The following INPP4B variants were observed in gnomAD, a reference collection of about 807,000 sequenced individuals.
INPP4B encodes the protein inositol polyphosphate-4-phosphatase type II B, also known as inositol polyphosphate 4-phosphatase type II.
INPP4B carries 55 observed loss-of-function variants against 122.5 expected under a neutral mutation model. That is an observed-to-expected ratio of 0.45 (90% confidence interval 0.36 to 0.56). INPP4B has a LOEUF of 0.56. Ranked by LOEUF, INPP4B falls within the 20% of genes least tolerant of loss-of-function variation. INPP4B has a pLI of 0.00. For missense variants in INPP4B, 1,000 were observed against 1,097.7 expected, an observed-to-expected ratio of 0.91 and a Z score of 1.26; for synonymous variants, 403 against 388.7, an observed-to-expected ratio of 1.04 and a Z score of -0.43.
chr4:142,775,250 A>G (rs1042100765), intron 1 of INPP4B, among the ~76,000 whole-genome samples: 3 of 151,118 alleles, frequency 2.0e-5, no homozygotes, highest in African/African-American at 7.4e-5. Flanking sequence ...ACTCTCCTCC[A>G]TGCATTCTTC....
chr4:142,405,076 C>T, intron 6 of INPP4B, 130 bp downstream of exon 6: 3 of 592,178 alleles, frequency 5.1e-6, no homozygotes, highest in Non-Finnish European at 8.9e-6. Flanking sequence ...TATGAACTAA[C>T]TTATTTCAGC....
At chr4:142,559,295 C>T (rs542780001) in intron 2 of INPP4B, among the ~76,000 whole-genome samples, 1 of 152,186 alleles carries the variant, frequency 6.6e-6, no homozygotes, top group South Asian at 2.1e-4. Context: ...AGTGGTGGTG[C>T]TGTTGCAAGT....
At chr4:142,415,149 T>C (rs1805415769) in intron 5 of INPP4B, among the ~76,000 whole-genome samples, 1 of 152,188 alleles carries the variant, frequency 6.6e-6, no homozygotes, top group South Asian at 2.1e-4. Context: ...ATAGGATTTC[T>C]GTCCAGTACA....
chr4:142,465,306 G>C (rs1817566077), intron 2 of INPP4B, among the ~76,000 whole-genome samples: 1 of 152,058 alleles, frequency 6.6e-6, no homozygotes, highest in Non-Finnish European at 1.5e-5. Context: ...GCAAGAACCA[G>C]TATTTACTAA....
At chr4:142,216,714 A>G (rs530326847) in intron 12 of INPP4B, among the ~76,000 whole-genome samples, 1 of 152,198 alleles carries the variant, frequency 6.6e-6, no homozygotes, top group African/African-American at 2.4e-5. Flanking sequence ...ACCTTCCACA[A>G]TGTAGAACAC....
intron 2 of INPP4B, among the ~76,000 whole-genome samples, chr4:142,656,091 T>A (rs560746770): frequency 1.3e-5 from 2 of 152,270 alleles, no homozygotes; most frequent in South Asian, 4.1e-4. Flanking sequence ...GAGTAGAGCC[T>A]CAAGAACTTC....
chr4:142,669,998 C>G (rs1278238775), intron 2 of INPP4B, among the ~76,000 whole-genome samples: 1 of 152,132 alleles, frequency 6.6e-6, no homozygotes, highest in African/African-American at 2.4e-5. Flanking sequence ...GTTTCAGTAG[C>G]TGGTGGTCAA....
intron 18 of INPP4B, among the ~76,000 whole-genome samples, chr4:142,137,689 G>GA (rs1805322644): frequency 7.1e-6 from 1 of 139,930 alleles, no homozygotes; most frequent in African/African-American, 2.6e-5. Context: ...AAATTTACAA[G>GA]AAAAAAACAA....
At chr4:142,321,141 A>AT (rs745586255) in intron 7 of INPP4B, among the ~76,000 whole-genome samples, 49 of 152,030 alleles carry the variant, frequency 3.2e-4, no homozygotes, top group African/African-American at 1.2e-3. Context: ...TATTTTTTTG[A>AT]TTTTTTAATT....
At chr4:142,681,891 A>C (rs2150685487) in intron 2 of INPP4B, among the ~76,000 whole-genome samples, 1 of 151,950 alleles carries the variant, frequency 6.6e-6, no homozygotes, top group East Asian at 1.9e-4. Context: ...ATTGCTGTCT[A>C]TGCTTTACCA....
intron 2 of INPP4B, among the ~76,000 whole-genome samples, chr4:142,640,313 C>T (rs1405242482): frequency 6.6e-6 from 1 of 151,512 alleles, no homozygotes; most frequent in Non-Finnish European, 1.5e-5. Context: ...TAAAAACCTA[C>T]AGTAATTAAA....
intron 23 of INPP4B, among the ~76,000 whole-genome samples, chr4:142,099,096 T>C (rs760085875): frequency 6.6e-6 from 1 of 152,152 alleles, no homozygotes; most frequent in Admixed American, 6.6e-5. Context: ...TGACTCAGCA[T>C]TGGGTTTAAC....
chr4:142,524,387 T>A (rs1342665386), intron 2 of INPP4B, among the ~76,000 whole-genome samples: 1 of 152,044 alleles, frequency 6.6e-6, no homozygotes, highest in Non-Finnish European at 1.5e-5. Context: ...TGGTTTTGAT[T>A]TGCATTTCTC....
At chr4:142,182,978 C>T (rs1831554539) in intron 15 of INPP4B, among the ~76,000 whole-genome samples, 2 of 152,194 alleles carry the variant, frequency 1.3e-5, no homozygotes, top group Non-Finnish European at 2.9e-5. Context: ...ATTGCAGTAT[C>T]CATAGCCTAT....
chr4:142,663,232 T>C (rs376279147), intron 2 of INPP4B, among the ~76,000 whole-genome samples: 12 of 152,342 alleles, frequency 7.9e-5, no homozygotes, highest in African/African-American at 2.6e-4. Flanking sequence ...ATCTATTTTG[T>C]TTATCTGTTA....
intron 2 of INPP4B, among the ~76,000 whole-genome samples, chr4:142,624,213 A>C (rs1334272584): frequency 6.6e-6 from 1 of 151,940 alleles, no homozygotes; most frequent in East Asian, 1.9e-4. Flanking sequence ...ATTTCTCCAC[A>C]TCCTCTCCCG....
At chr4:142,045,967 G>A (rs1751144535) in intron 25 of INPP4B, among the ~76,000 whole-genome samples, 1 of 151,982 alleles carries the variant, frequency 6.6e-6, no homozygotes, top group African/African-American at 2.4e-5. Context: ...CGAGCGGTGA[G>A]GACTTTTTTT....
chr4:142,794,401 G>T (rs1369658407), intron 1 of INPP4B, among the ~76,000 whole-genome samples: 1 of 151,830 alleles, frequency 6.6e-6, no homozygotes, highest in Non-Finnish European at 1.5e-5. Context: ...AAAAAGGATG[G>T]ACTTTTCAGT....
chr4:142,073,201 C>CA (rs1384845146), intron 25 of INPP4B, among the ~76,000 whole-genome samples: 2 of 152,112 alleles, frequency 1.3e-5, no homozygotes, highest in Non-Finnish European at 2.9e-5. Context: ...CATTCACACT[C>CA]ATATGAGTTC....
Sources: gnomAD v4.1 joint callset for allele counts (sites outside exome capture counted in the v4.1 genomes callset) on GRCh38, gnomAD v4.1.1 for gene constraint, MANE v1.5 for transcripts, NCBI Gene and HGNC (gene_info 2026-07-23, HGNC 2026-07-21) for gene names.